PRP4K: variants seen among roughly 807,000 people sequenced by gnomAD.
The protein encoded by PRP4K is serine/threonine-protein kinase PRP4 homolog.
At chr6:4,058,908 CA>C in the PRP4K span, 1 of 986,744 alleles carries the variant, frequency 1.0e-6, no homozygotes, top group Non-Finnish European at 1.5e-6. Context: ...AACAAAAACC[CA>C]AAAGTAAGTA....
chr6:4,051,334 A>G, the PRP4K span, among the ~76,000 whole-genome samples: 1 of 151,686 alleles, frequency 6.6e-6, no homozygotes, highest in Non-Finnish European at 1.5e-5. Context: ...TTTGTTTGAG[A>G]TGGAGTTTTG....
the PRP4K span, among the ~76,000 whole-genome samples, chr6:4,043,185 A>G: frequency 6.6e-6 from 1 of 152,230 alleles, no homozygotes; most frequent in Non-Finnish European, 1.5e-5. Flanking sequence ...CAAACCATAA[A>G]TCAGGTAATA....
At chr6:4,056,951 G>C in the PRP4K span, 1 of 1,333,200 alleles carries the variant, frequency 7.5e-7, no homozygotes, top group African/African-American at 1.5e-5. Context: ...AGCTAAGGTA[G>C]CCAGCCCCTC....
chr6:4,047,248 TG>T, the PRP4K span: 1 of 1,608,358 alleles, frequency 6.2e-7, no homozygotes, highest in Non-Finnish European at 8.5e-7. Context: ...CGTATTTTGA[TG>T]TAAGTTATTT....
At chr6:4,053,057 A>G in the PRP4K span, among the ~76,000 whole-genome samples, 1 of 152,346 alleles carries the variant, frequency 6.6e-6, no homozygotes, top group African/African-American at 2.4e-5. Flanking sequence ...TTTATTGACA[A>G]GTATGAAGAA....
the PRP4K span, chr6:4,060,460 G>A: frequency 4.2e-5 from 68 of 1,613,838 alleles, no homozygotes; most frequent in East Asian, 1.5e-3. This position sits in a 1 kb window ranked among gnomAD's most constrained non-coding sequence, Gnocchi z 4.7. Flanking sequence ...AGGACCTGTT[G>A]GCTGACTTGA....
the PRP4K span, chr6:4,031,825 T>C: frequency 1.9e-6 from 3 of 1,614,050 alleles, no homozygotes; most frequent in Non-Finnish European, 2.5e-6. Context: ...CTTGATGATT[T>C]AGCTTTGCTA....
At chr6:4,050,593 CTT>C in the PRP4K span, 2 of 162,116 alleles carry the variant, frequency 1.2e-5, no homozygotes, top group Non-Finnish European at 2.7e-5. Context: ...GAGAATCTGT[CTT>C]TTTTTAATTT....
chr6:4,021,643 C>G, the PRP4K span, among the ~76,000 whole-genome samples: 13 of 152,236 alleles, frequency 8.5e-5, no homozygotes, highest in Non-Finnish European at 1.3e-4. Context: ...CTTCCTTCTC[C>G]CAGAGGCCGT....
At chr6:4,049,691 T>G in the PRP4K span, 1 of 1,557,090 alleles carries the variant, frequency 6.4e-7, no homozygotes, top group South Asian at 1.1e-5. Flanking sequence ...TGATTCTATT[T>G]ATTATAGTCA....
the PRP4K span, among the ~76,000 whole-genome samples, chr6:4,022,079 G>C: frequency 6.6e-6 from 1 of 150,788 alleles, no homozygotes; most frequent in Admixed American, 6.6e-5. Flanking sequence ...TGTTTTGAGT[G>C]CCTACCGGCA....
At chr6:4,063,781 T>G in the PRP4K span, 1 of 152,220 alleles carries the variant, frequency 6.6e-6, no homozygotes, top group Non-Finnish European at 1.5e-5. Flanking sequence ...CCTACTAGAT[T>G]GAATTTATTT....
At chr6:4,053,787 T>C in the PRP4K span, among the ~76,000 whole-genome samples, 1 of 152,218 alleles carries the variant, frequency 6.6e-6, no homozygotes, top group Non-Finnish European at 1.5e-5. Flanking sequence ...TCAGTTCTCC[T>C]ACAGTTGATG....
chr6:4,048,098 G>A, the PRP4K span, among the ~76,000 whole-genome samples: 1 of 152,238 alleles, frequency 6.6e-6, no homozygotes, highest in East Asian at 1.9e-4. Flanking sequence ...CATCAGAAGG[G>A]CCTGGCACGG....
At chr6:4,029,036 TGA>T in the PRP4K span, among the ~76,000 whole-genome samples, 4,749 of 148,624 alleles carry the variant, frequency 0.032, 297 homozygotes, top group African/African-American at 0.11. Context: ...TTTTTTTTAA[TGA>T]GATGGAGGAT....
At chr6:4,042,909 AT>A in the PRP4K span, among the ~76,000 whole-genome samples, 1 of 152,360 alleles carries the variant, frequency 6.6e-6, no homozygotes, top group Non-Finnish European at 1.5e-5. Context: ...AAAATTATGC[AT>A]GTTACTGTGT....
the PRP4K span, among the ~76,000 whole-genome samples, chr6:4,024,575 A>T: frequency 1.3e-5 from 2 of 152,138 alleles, no homozygotes; most frequent in African/African-American, 2.4e-5. Flanking sequence ...GTGAAAGAAG[A>T]AGTTAAAATA....
the PRP4K span, among the ~76,000 whole-genome samples, chr6:4,041,589 C>CT: frequency 1.3e-5 from 2 of 152,120 alleles, no homozygotes; most frequent in African/African-American, 4.8e-5. Flanking sequence ...ACTTGATTGT[C>CT]TAAGTGGAAT....
the PRP4K span, among the ~76,000 whole-genome samples, chr6:4,041,663 G>A: frequency 8.3e-6 from 1 of 120,454 alleles, no homozygotes; most frequent in African/African-American, 3.2e-5. Flanking sequence ...GCCTCCCTGG[G>A]GACATGTCTG....
Sources: allele counts gnomAD v4.1 joint callset (sites outside exome capture counted in the v4.1 genomes callset), GRCh38; gene constraint gnomAD v4.1.1; non-coding constraint Gnocchi (gnomAD v3.1); transcripts MANE v1.5; gene names NCBI Gene and HGNC (gene_info 2026-07-23, HGNC 2026-07-21).